Variants in SFMBT1 observed in about 807,000 individuals in gnomAD.
SFMBT1 encodes scm-like with four MBT domains protein 1.
A neutral mutation model predicts 108.7 loss-of-function variants in SFMBT1; 32 were observed. The ratio of observed to expected loss-of-function variants is 0.29; its 90% CI spans 0.22 to 0.40. The LOEUF is 0.40. Ranked by LOEUF, SFMBT1 falls within the 10% of genes least tolerant of loss-of-function variation. The probability of loss-of-function intolerance (pLI) is 1.00; values close to 1 mark genes in which losing one functional copy is unlikely to be tolerated. For synonymous variants in SFMBT1, 348 were observed against 369.5 expected, an observed-to-expected ratio of 0.94 and a Z score of 0.67; for missense variants, 816 against 1,059.6, an observed-to-expected ratio of 0.77 and a Z score of 3.19.
intron 19 of SFMBT1, 77 bp downstream of exon 19, chr3:52,906,992 A>G: frequency 2.7e-6 from 4 of 1,501,578 alleles, no homozygotes; most frequent in East Asian, 2.3e-5. Context: ...TAGAATGTCA[A>G]TATCACTAAT....
At chr3:52,987,994 C>A (rs2564932) in intron 1 of SFMBT1, among the ~76,000 whole-genome samples, 42,372 of 152,114 alleles carry the variant, frequency 0.28, 6,595 homozygotes, top group East Asian at 0.48. Flanking sequence ...TAATAAACAG[C>A]CATCATCAAA....
intron 1 of SFMBT1, among the ~76,000 whole-genome samples, chr3:53,037,084 A>G (rs1699892397): frequency 6.6e-6 from 1 of 152,264 alleles, no homozygotes; most frequent in South Asian, 2.1e-4. Flanking sequence ...CTCCTGTCAG[A>G]CAAAGTCAAT....
chr3:52,948,060 C>A (rs1043574382), intron 3 of SFMBT1, among the ~76,000 whole-genome samples: 2 of 152,118 alleles, frequency 1.3e-5, no homozygotes, highest in African/African-American at 4.8e-5. Flanking sequence ...TTAAACAAAT[C>A]TTTTCCTATC....
In SFMBT1 at chr3:52,918,503, C is replaced by T; in HGVS notation, c.1396G>A (p.Val466Met). 1.3e-6 allele frequency: 2 copies of T among 1,559,560 alleles called. No homozygotes were observed. The highest frequency in any genetic ancestry group is 1.7e-6 in the Non-Finnish European group (2 of 1,159,730). Residue 466 changes from valine to methionine, a missense_variant, in exon 13 of 21, where the codon GTG becomes ATG. Transcript: ENST00000394752. The part of the protein sequence containing the change: ...ARVYKQRKIA[V>M]VQPEKQVPSS... The stretch of plus-strand genomic sequence containing the variant: ...ACTTACTGTTTTTCTGGCTGAACCA[C>T]TGCAATTTTCCTCTGTTTATATACT...
At position 52,959,862 on chromosome 3, in the gene SFMBT1, G is replaced by A. The variant is rs187387405; in HGVS notation, c.29-5451C>T. 1.4e-4 allele frequency among the ~76,000 whole-genome samples: 21 copies of A among 152,092 alleles called. No homozygotes were observed. In the East Asian group the frequency reaches 3.9e-3, roughly 28 times the overall value. On this transcript the variant is annotated intron_variant, in intron 2 of 20. Transcript: ENST00000394752. ...CAGGGATGGTTGTTTTGTTGTTGTT[G>A]TTGTTGTTGTTGTTCATTGACGTAT...
In SFMBT1 at chr3:52,972,147, T is replaced by C. The variant is rs149880418; in HGVS notation, c.-130-2889A>G. 0.012 allele frequency among the ~76,000 whole-genome samples: 1,852 copies of C among 152,334 alleles called. 126 individuals are homozygous for C. The South Asian group carries it at 0.18, about 15-fold the overall frequency. On this transcript the variant is annotated intron_variant, in intron 1 of 20. Coordinates refer to ENST00000394752, the MANE Select transcript of SFMBT1 (RefSeq NM_016329.4). ...GGGTCACTAGGCTTTGAAGATGTCA[T>C]CTACTGTTTATGTTCATGAGCTCTT...
At chr3:52,946,846 A>G (rs2106820881) in intron 3 of SFMBT1, among the ~76,000 whole-genome samples, 1 of 146,848 alleles carries the variant, frequency 6.8e-6, no homozygotes, top group Non-Finnish European at 1.5e-5. Flanking sequence ...ATCTCGGCTC[A>G]CTGCAAACTC....
chr3:52,909,243 CCACATATCTTCCCCT>C (rs1702157425), intron 17 of SFMBT1, among the ~76,000 whole-genome samples: 2 of 152,136 alleles, frequency 1.3e-5, no homozygotes, highest in African/African-American at 4.8e-5. Flanking sequence ...ACAATAAAAT[CCACATATCTTCCCCT>C]CACATATCTT....
intron 14 of SFMBT1, among the ~76,000 whole-genome samples, chr3:52,915,244 C>T (rs1402524924): frequency 6.6e-6 from 1 of 152,172 alleles, no homozygotes; most frequent in African/African-American, 2.4e-5. Context: ...TCCCAGGGAA[C>T]CTGACCTATG....
chr3:52,947,104 T>C (rs1703395106), intron 3 of SFMBT1, among the ~76,000 whole-genome samples: 1 of 150,764 alleles, frequency 6.6e-6, no homozygotes, highest in Non-Finnish European at 1.5e-5. Flanking sequence ...CATTTTTCTA[T>C]TTTCAGTCTT....
At chr3:52,905,812 T>A (rs556903367) in intron 20 of SFMBT1, among the ~76,000 whole-genome samples, 5 of 152,288 alleles carry the variant, frequency 3.3e-5, no homozygotes, top group Admixed American at 3.3e-4. Flanking sequence ...TATTTTTTTT[T>A]AAACAAGCAA....
chr3:52,989,592 A>G (rs1705050349), intron 1 of SFMBT1, among the ~76,000 whole-genome samples: 1 of 152,066 alleles, frequency 6.6e-6, no homozygotes, highest in Admixed American at 6.6e-5. Context: ...CGAGGTCAGG[A>G]GATAGAGAAC....
intron 1 of SFMBT1, among the ~76,000 whole-genome samples, chr3:52,986,333 T>C (rs1354405480): frequency 1.3e-5 from 2 of 152,124 alleles, no homozygotes; most frequent in East Asian, 3.9e-4. Context: ...ATTAAATTTG[T>C]TTTAAGAATA....
At position 52,983,310 on chromosome 3, in the gene SFMBT1, A is replaced by C. The variant is rs140625458; in HGVS notation, c.-130-14052T>G. ...ATTTTCTTTGTAACATTTTTTCTCC[A>C]GCTTACTCTATTGTAAGAAAACAGT... On this transcript the variant is annotated intron_variant, in intron 1 of 20. Coordinates refer to ENST00000394752, the MANE Select transcript of SFMBT1 (RefSeq NM_016329.4). Among the ~76,000 whole-genome samples the C allele has an allele frequency of 2.3e-3, 349 of 152,270 alleles. 4 individuals carry two copies. Among genetic ancestry groups the C allele is most frequent in the African/African-American group, 7.8e-3 (326 of 41,546 alleles).
intron 3 of SFMBT1, among the ~76,000 whole-genome samples, chr3:52,947,256 T>A (rs1703402177): frequency 6.6e-6 from 1 of 152,062 alleles, no homozygotes; most frequent in Admixed American, 6.6e-5. Flanking sequence ...TAGCTGGGAC[T>A]ACAGATACCC....
chr3:52,955,399 C>T (rs1297727674), intron 2 of SFMBT1, among the ~76,000 whole-genome samples: 5 of 150,912 alleles, frequency 3.3e-5, no homozygotes, highest in East Asian at 1.9e-4. Flanking sequence ...GGTGACGGAG[C>T]GAGACTCTAT....
At chr3:52,937,755 G>T (rs1703059808) in intron 4 of SFMBT1, among the ~76,000 whole-genome samples, 2 of 151,952 alleles carry the variant, frequency 1.3e-5, no homozygotes, top group Admixed American at 1.3e-4. Flanking sequence ...GCTAATTTTT[G>T]TATTTTTCGT....
At chr3:52,926,809 G>A (rs1224749258) in intron 9 of SFMBT1, among the ~76,000 whole-genome samples, 2 of 152,064 alleles carry the variant, frequency 1.3e-5, no homozygotes, top group Non-Finnish European at 2.9e-5. Flanking sequence ...CTGTGTCTGA[G>A]TTGCTCTCAG....
chr3:52,969,892 C>CA (rs1287774766), intron 1 of SFMBT1, among the ~76,000 whole-genome samples: 1 of 151,956 alleles, frequency 6.6e-6, no homozygotes, highest in African/African-American at 2.4e-5. Context: ...CCTTTGAGCC[C>CA]AGGAGTTTGG....
Sources: gnomAD v4.1 joint callset for allele counts (sites outside exome capture counted in the v4.1 genomes callset) on GRCh38, gnomAD v4.1.1 for gene constraint, MANE v1.5 for transcripts, NCBI Gene and HGNC (gene_info 2026-07-23, HGNC 2026-07-21) for gene names.